Variants in TOX observed in about 807,000 individuals in gnomAD.
The protein encoded by TOX is thymocyte selection associated high mobility group box.
TOX carries 11 observed loss-of-function variants against 53.7 expected under a neutral mutation model. That is an observed-to-expected ratio of 0.20 (90% CI 0.13 to 0.34). The LOEUF is 0.34. Ranked by LOEUF, TOX falls within the 10% of genes least tolerant of loss-of-function variation. The pLI is 1.00. For synonymous variants in TOX, 225 were observed against 245.3 expected, an observed-to-expected ratio of 0.92 and a Z score of 0.77; for missense variants, 570 against 664.6, an observed-to-expected ratio of 0.86 and a Z score of 1.56.
chr8:59,056,905 A>G (rs2129421672), intron 1 of TOX, among the ~76,000 whole-genome samples: 1 of 152,316 alleles, frequency 6.6e-6, no homozygotes, highest in South Asian at 2.1e-4. Context: ...GTCTAGAAAA[A>G]CTGCACACTT....
At chr8:58,920,721 T>TAAAAAAAAAAAAAA (rs5891703) in intron 3 of TOX, among the ~76,000 whole-genome samples, 8 of 81,020 alleles carry the variant, frequency 9.9e-5, no homozygotes, top group Non-Finnish European at 1.3e-4. Flanking sequence ...AAAAAAACAT[T>TAAAAAAAAAAAAAA]AAAAAAAAAA....
chr8:59,042,061 G>A (rs956027826), intron 1 of TOX, among the ~76,000 whole-genome samples: 1 of 152,006 alleles, frequency 6.6e-6, no homozygotes, highest in African/African-American at 2.4e-5. Flanking sequence ...CCCTTTAATT[G>A]GGAACACTTG....
intron 3 of TOX, among the ~76,000 whole-genome samples, chr8:58,934,829 T>C (rs1435072026): frequency 9.9e-5 from 15 of 152,226 alleles, no homozygotes; most frequent in Admixed American, 9.8e-4. Context: ...TGCCAGCTAC[T>C]GGTCTGCGTA....
chr8:58,911,358 A>T (rs558166640), intron 3 of TOX, among the ~76,000 whole-genome samples: 2 of 152,350 alleles, frequency 1.3e-5, no homozygotes, highest in East Asian at 3.9e-4. Context: ...ATATCTACAT[A>T]TAATTGGAAA....
At chr8:58,959,853 G>T in intron 2 of TOX, 90 bp downstream of exon 2, 1 of 1,308,310 alleles carries the variant, frequency 7.6e-7, no homozygotes, top group East Asian at 2.3e-5. Context: ...GATTGCGGCA[G>T]TTACTGATAG....
rs181410331 is a variant in TOX at position 58,949,870 on chromosome 8, A to G, written c.168+10073T>C. On this transcript the variant is annotated intron_variant, in intron 2 of 8. Coordinates refer to ENST00000361421, the MANE Select transcript of TOX (RefSeq NM_014729.3). ...TTATATGTGTATATTTCATATACAC[A>G]TATAATATACAATTACATGTGTATA... 1.8e-3 allele frequency among the ~76,000 whole-genome samples: 259 copies of G among 145,082 alleles called. 1 individual carries two copies. The highest frequency in any genetic ancestry group is 5.3e-3 in the African/African-American group (208 of 39,398).
At chr8:58,977,579 C>T (rs947074756) in intron 1 of TOX, among the ~76,000 whole-genome samples, 1 of 152,190 alleles carries the variant, frequency 6.6e-6, no homozygotes, top group African/African-American at 2.4e-5. Flanking sequence ...CACATGCCTT[C>T]TTTATAAGCT....
chr8:58,960,917 A>G (rs971528003), intron 1 of TOX, among the ~76,000 whole-genome samples: 5 of 152,206 alleles, frequency 3.3e-5, no homozygotes, highest in African/African-American at 1.2e-4. Context: ...GTAATAATCA[A>G]ATGGATGAAC....
chr8:59,092,355 T>A (rs539952271), intron 1 of TOX, among the ~76,000 whole-genome samples: 28 of 132,448 alleles, frequency 2.1e-4, no homozygotes, highest in Non-Finnish European at 3.4e-4. Flanking sequence ...ATTATATATA[T>A]TATATATATA....
At chr8:58,877,533 C>A (rs999250083) in intron 3 of TOX, among the ~76,000 whole-genome samples, 5 of 152,144 alleles carry the variant, frequency 3.3e-5, no homozygotes, top group African/African-American at 1.2e-4. Flanking sequence ...TTCTTAATAA[C>A]CCTCCAACCT....
intron 1 of TOX, among the ~76,000 whole-genome samples, chr8:59,114,426 A>G (rs1805067809): frequency 6.6e-6 from 1 of 152,160 alleles, no homozygotes; most frequent in Non-Finnish European, 1.5e-5. Flanking sequence ...CTTTTCTATA[A>G]TATCTGATTT....
intron 3 of TOX, among the ~76,000 whole-genome samples, chr8:58,890,374 C>T (rs1811542035): frequency 6.6e-6 from 1 of 152,080 alleles, no homozygotes; most frequent in East Asian, 1.9e-4. Flanking sequence ...TCAACTGAAC[C>T]TGAAGGGTCA....
At chr8:58,984,148 A>C (rs552589944) in intron 1 of TOX, among the ~76,000 whole-genome samples, 2 of 152,378 alleles carry the variant, frequency 1.3e-5, no homozygotes, top group South Asian at 4.1e-4. Context: ...CAGGGAACAA[A>C]AGAGAAAATA....
chr8:58,922,620 C>G (rs1303896961), intron 3 of TOX, among the ~76,000 whole-genome samples: 2 of 152,194 alleles, frequency 1.3e-5, no homozygotes, highest in African/African-American at 4.8e-5. Flanking sequence ...GCCTTCTTCT[C>G]TCTTCTAGAT....
intron 3 of TOX, among the ~76,000 whole-genome samples, chr8:58,923,078 A>T (rs183695599): frequency 6.6e-6 from 1 of 151,572 alleles, no homozygotes; most frequent in African/African-American, 2.4e-5. Context: ...TGAATATCAT[A>T]TGAAGAAACG....
intron 1 of TOX, among the ~76,000 whole-genome samples, chr8:59,012,213 T>C (rs1451839063): frequency 6.6e-6 from 1 of 152,128 alleles, no homozygotes; most frequent in Non-Finnish European, 1.5e-5. Context: ...ACCAATCTAA[T>C]ATTTGGAGAT....
rs1810552474 is a variant in TOX, at chr8:58,836,731, A to G, written c.924+1350T>C. Among the ~76,000 whole-genome samples, 5 of 152,284 alleles carry G rather than the reference A, an allele frequency of 3.3e-5. 1 individual carries two copies. The South Asian group carries it at 1.0e-3, about 32-fold the overall frequency. On this transcript the variant is annotated intron_variant, in intron 5 of 8. Transcript: ENST00000361421. ...TGTCATTATCCCCATCATTAATTTC[A>G]TAGGGTTTGTTAGGAAAAGCATTGT...
chr8:59,064,906 C>A (rs916832498), intron 1 of TOX, among the ~76,000 whole-genome samples: 1 of 152,132 alleles, frequency 6.6e-6, no homozygotes, highest in Non-Finnish European at 1.5e-5. Flanking sequence ...TTGGATCAAT[C>A]TTCCAAACAT....
intron 6 of TOX, among the ~76,000 whole-genome samples, chr8:58,817,389 T>TA (rs1196696968): frequency 2.9e-3 from 421 of 143,122 alleles, no homozygotes; most frequent in African/African-American, 5.2e-3. Context: ...TGCTTTTCAT[T>TA]AAAAAAAAAA....
Sources: allele counts gnomAD v4.1 joint callset (sites outside exome capture counted in the v4.1 genomes callset), GRCh38; gene constraint gnomAD v4.1.1; transcripts MANE v1.5; gene names NCBI Gene and HGNC (gene_info 2026-07-23, HGNC 2026-07-21).